ITPKB: variants seen among roughly 807,000 people sequenced by gnomAD.
The protein encoded by ITPKB is IP3 3-kinase B.
A neutral mutation model predicts 69.4 loss-of-function variants in ITPKB; 13 were observed. That is an observed-to-expected ratio of 0.19 (90% confidence interval 0.12 to 0.30). ITPKB has a LOEUF of 0.30. ITPKB is among the 10% of genes least tolerant of loss of function. The probability of loss-of-function intolerance (pLI) is 1.00; values close to 1 mark genes in which losing one functional copy is unlikely to be tolerated. For synonymous variants in ITPKB, 584 were observed against 513.7 expected (o/e 1.14, Z -1.85); for missense variants, 1,240 against 1,250.5 (o/e 0.99, Z 0.13).
intron 2 of ITPKB, among the ~76,000 whole-genome samples, chr1:226,671,703 T>TCCAA (rs1669621609): frequency 6.6e-6 from 1 of 152,062 alleles, no homozygotes; most frequent in Non-Finnish European, 1.5e-5. Flanking sequence ...TTGGCCATGG[T>TCCAA]CTTTCTGCAG....
chr1:226,726,714 T>A (rs1048046574), intron 2 of ITPKB, among the ~76,000 whole-genome samples: 1 of 151,858 alleles, frequency 6.6e-6, no homozygotes, highest in African/African-American at 2.4e-5. Context: ...AGAAAAAGCG[T>A]TCAGCGGCCG....
chr1:226,716,787 T>A (rs779861277), intron 2 of ITPKB, among the ~76,000 whole-genome samples: 3 of 152,236 alleles, frequency 2.0e-5, no homozygotes, highest in Non-Finnish European at 2.9e-5. Flanking sequence ...CCACGGGGAC[T>A]GGGTGGAAAG....
At position 226,737,209 on chromosome 1, in the gene ITPKB, TATTCAG is replaced by T; in HGVS notation, c.244_249del (p.Leu82_Asn83del). ...CTGCCGCTGCCACTGCCGCTGCTACTATTCAGCCTGCGCCGGCCGCTCCGCCAGCCC... is the reference window on the plus strand; with the variant it reads ...CTGCCGCTGCCACTGCCGCTGCTACTCCTGCGCCGGCCGCTCCGCCAGCCC... On this transcript the variant is annotated inframe_deletion, in exon 2 of 8. Transcript: ENST00000429204. 2.5e-6 allele frequency: 4 copies of T among 1,580,606 alleles called. No individual in the cohort carries two copies. The highest frequency in any genetic ancestry group is 3.4e-6 in the Non-Finnish European group (4 of 1,170,912).
rs780279284 is a variant in ITPKB at position 226,736,501 on chromosome 1, C to G, written c.958G>C (p.Asp320His). 6.2e-7 allele frequency: 1 copy of G among 1,613,932 alleles called. No individual in the cohort carries two copies. The highest frequency in any genetic ancestry group is 8.5e-7 in the Non-Finnish European group (1 of 1,180,054). The stretch of plus-strand genomic sequence containing the variant: ...CCAGACGGCTCAGTGAGGGCAAGAT[C>G]CTGTGGACGGTGTGGCCCAGTGGAT... ...VTSTGPHRPQ[D>H]LALTEPSGRA... Residue 320 changes from aspartate to histidine, a missense_variant, in exon 2 of 8, where the codon GAT (aspartate) becomes CAT (histidine). By Grantham distance (81) the Asp-to-His change is moderately conservative (BLOSUM62 -1). This residue lies in a region of ITPKB where 992 missense variants were observed against 853.8 expected (regional missense o/e 1.16). Transcript: ENST00000429204.
chr1:226,735,466 G>C, intron 2 of ITPKB, 61 bp downstream of exon 2: 1 of 1,444,538 alleles, frequency 6.9e-7, no homozygotes, highest in Non-Finnish European at 9.1e-7. Context: ...GGGATGCATA[G>C]GGCATCAAAA....
At chr1:226,665,802 C>T (rs541917843) in intron 2 of ITPKB, among the ~76,000 whole-genome samples, 177 of 152,270 alleles carry the variant, frequency 1.2e-3, no homozygotes, top group African/African-American at 4.1e-3. Context: ...ATTTAGAACC[C>T]GGGATGGTTG....
At chr1:226,648,595 C>G in intron 3 of ITPKB, 77 bp downstream of exon 3, 1 of 881,958 alleles carries the variant, frequency 1.1e-6, no homozygotes, top group African/African-American at 1.7e-5. Flanking sequence ...AGCTTTGATC[C>G]CCAGAATGCA....
intron 2 of ITPKB, among the ~76,000 whole-genome samples, chr1:226,654,683 C>T (rs951228220): frequency 3.9e-5 from 6 of 152,168 alleles, no homozygotes; most frequent in African/African-American, 1.4e-4. Context: ...GGGTCTGATT[C>T]TGTGTGTTTT....
At chr1:226,663,548 C>T (rs1483661709) in intron 2 of ITPKB, among the ~76,000 whole-genome samples, 1 of 152,036 alleles carries the variant, frequency 6.6e-6, no homozygotes, top group East Asian at 1.9e-4. Flanking sequence ...GTTCTGTCAC[C>T]CAGGCTGGAG....
intron 2 of ITPKB, among the ~76,000 whole-genome samples, chr1:226,696,532 T>C (rs1438629116): frequency 6.6e-6 from 1 of 152,186 alleles, no homozygotes; most frequent in Non-Finnish European, 1.5e-5. Flanking sequence ...TATTTTCTAC[T>C]GTTTTCTGAG....
Position 226,675,510 on chromosome 1 carries a change from G to C in ITPKB, c.1933-26739C>G, listed in dbSNP as rs796533888. 1.1e-4 allele frequency among the ~76,000 whole-genome samples: 17 copies of C among 152,278 alleles called. No homozygotes were observed. In the East Asian group the frequency reaches 2.9e-3, roughly 26 times the overall value. On this transcript the variant is annotated intron_variant, in intron 2 of 7. Coordinates refer to ENST00000429204, the MANE Select transcript of ITPKB (RefSeq NM_002221.4). ...AGGCTGAACTTGCAAGGAGCTGTGG[G>C]GAGGAGGAAGGAAGGGGAAAATGGC... is the stretch of plus-strand genomic sequence containing the variant.
At position 226,632,059 on chromosome 1, in the gene ITPKB, C is replaced by A. The variant is rs45532233; in HGVS notation, c.*2612G>T. The A allele has an allele frequency of 6.6e-3, 1,005 of 152,752 alleles. 7 individuals carry two copies. Among genetic ancestry groups the A allele is most frequent in the Non-Finnish European group, 9.7e-3 (663 of 68,028 alleles). 9.5% of individuals were successfully genotyped at this position (152,752 alleles called of 1,614,324 possible). ...TTTCAAGGAGAAACAAGAGTCCAGCCTTTCGGTCTTAGTGTTCTGTGCAAT... is the reference window on the plus strand; with the variant it reads ...TTTCAAGGAGAAACAAGAGTCCAGCATTTCGGTCTTAGTGTTCTGTGCAAT... On this transcript the variant is annotated 3_prime_UTR_variant, in exon 8 of 8. Transcript: ENST00000429204.
intron 2 of ITPKB, among the ~76,000 whole-genome samples, chr1:226,670,602 G>C (rs900017178): frequency 6.6e-6 from 1 of 152,196 alleles, no homozygotes; most frequent in Non-Finnish European, 1.5e-5. Flanking sequence ...AAGGGGCAGG[G>C]AGCAGAATTA....
intron 2 of ITPKB, among the ~76,000 whole-genome samples, chr1:226,665,341 A>G (rs964869648): frequency 6.6e-6 from 1 of 152,214 alleles, no homozygotes; most frequent in Admixed American, 6.5e-5. Context: ...TAGTCTACTC[A>G]CTGGCCATGT....
chr1:226,640,524 C>T (rs1321853774), intron 5 of ITPKB, among the ~76,000 whole-genome samples: 7 of 152,102 alleles, frequency 4.6e-5, no homozygotes, highest in South Asian at 2.1e-4. Context: ...TAGCTAAGGG[C>T]GGGGCAGGCA....
intron 2 of ITPKB, among the ~76,000 whole-genome samples, chr1:226,689,610 T>TGTGTGTGTGTGTGTGTGC (rs1553255322): frequency 6.8e-6 from 1 of 147,406 alleles, no homozygotes; most frequent in East Asian, 2.0e-4. Flanking sequence ...TGTGTGTGTG[T>TGTGTGTGTGTGTGTGTGC]GTGCATGCAT....
chr1:226,704,574 T>A (rs1656756681), intron 2 of ITPKB, among the ~76,000 whole-genome samples: 1 of 150,002 alleles, frequency 6.7e-6, no homozygotes, highest in Non-Finnish European at 1.5e-5. Flanking sequence ...TTTGGGGAAA[T>A]GAGCAAAAAC....
chr1:226,675,341 C>A (rs1669711890), intron 2 of ITPKB, among the ~76,000 whole-genome samples: 1 of 152,212 alleles, frequency 6.6e-6, no homozygotes, highest in Admixed American at 6.5e-5. Context: ...GAAACACTTG[C>A]ACAAGCACTC....
chr1:226,717,170 C>T (rs1450618731), intron 2 of ITPKB, among the ~76,000 whole-genome samples: 1 of 152,152 alleles, frequency 6.6e-6, no homozygotes, highest in Non-Finnish European at 1.5e-5. Flanking sequence ...CGCAGGTACT[C>T]AAACTAGTAG....
Sources: allele counts gnomAD v4.1 joint callset (sites outside exome capture counted in the v4.1 genomes callset), GRCh38; gene constraint gnomAD v4.1.1; regional missense constraint gnomAD v4.1.1; transcripts MANE v1.5; gene names NCBI Gene and HGNC (gene_info 2026-07-23, HGNC 2026-07-21).